GAS7: variants seen among roughly 807,000 people sequenced by gnomAD.
The protein encoded by GAS7 is growth arrest specific 7.
Under a neutral mutation model 71.1 loss-of-function variants are expected in GAS7, and 28 were observed. The observed-to-expected ratio is 0.39, with a 90% CI of 0.29 to 0.54. The LOEUF (loss-of-function observed/expected upper bound fraction) is 0.54, where lower values mean the gene tolerates loss of function less well. GAS7 is among the 20% of genes least tolerant of loss of function. The pLI is 0.62. For synonymous variants in GAS7, 258 were observed against 245.8 expected, an observed-to-expected ratio of 1.05 and a Z score of -0.46; for missense variants, 436 against 627.8, an observed-to-expected ratio of 0.69 and a Z score of 3.27.
chr17:10,096,875 T>C (rs1468525064), intron 1 of GAS7, among the ~76,000 whole-genome samples: 2 of 152,246 alleles, frequency 1.3e-5, no homozygotes, highest in African/African-American at 2.4e-5. Context: ...GCTTAAGCCA[T>C]ACTGGGCTGG....
At chr17:9,994,907 G>A (rs568524932) in intron 2 of GAS7, among the ~76,000 whole-genome samples, 1 of 152,356 alleles carries the variant, frequency 6.6e-6, no homozygotes, top group South Asian at 2.1e-4. Flanking sequence ...TAGAGGGCAG[G>A]AAAGACAAGT....
intron 1 of GAS7, among the ~76,000 whole-genome samples, chr17:10,051,321 C>T (rs1250376639): frequency 2.0e-5 from 3 of 152,196 alleles, no homozygotes; most frequent in Non-Finnish European, 2.9e-5. Flanking sequence ...CCCAACAGCA[C>T]GGCTAAACTC....
intron 11 of GAS7, among the ~76,000 whole-genome samples, chr17:9,923,949 T>A (rs1038395921): frequency 6.6e-6 from 1 of 152,158 alleles, no homozygotes; most frequent in African/African-American, 2.4e-5. Flanking sequence ...ATTAAAAAGT[T>A]TGATATGCAT....
At chr17:9,934,655 T>C (rs1359945732) in intron 8 of GAS7, among the ~76,000 whole-genome samples, 1 of 152,182 alleles carries the variant, frequency 6.6e-6, no homozygotes, top group African/African-American at 2.4e-5. Flanking sequence ...CCTCCCTGGT[T>C]TGCTGATGAG....
At chr17:9,932,371 T>C (rs1323152232) in intron 9 of GAS7, among the ~76,000 whole-genome samples, 2 of 151,996 alleles carry the variant, frequency 1.3e-5, no homozygotes, top group East Asian at 3.9e-4. Flanking sequence ...ATTTTTGTAT[T>C]TTTAGTAGAG....
intron 1 of GAS7, among the ~76,000 whole-genome samples, chr17:10,101,562 C>T (rs1228162991): frequency 3.9e-5 from 6 of 152,296 alleles, no homozygotes; most frequent in South Asian, 2.1e-4. Context: ...CTAGAACAGG[C>T]GGTACCTACA....
At position 10,158,341 on chromosome 17, in the gene GAS7, A is replaced by AC. The variant is rs1194023280; in HGVS notation, c.183+39866_183+39867insG. 9.2e-3 allele frequency among the ~76,000 whole-genome samples: 965 copies of AC among 104,828 alleles called. 6 individuals are homozygous for AC. Among genetic ancestry groups the AC allele is most frequent in the African/African-American group, 0.016 (470 of 28,798 alleles). 68.8% of individuals were successfully genotyped at this position (104,828 alleles called of 152,430 possible). A position where few individuals can be genotyped will look rare whatever the true frequency, so the allele number is the denominator to read the frequency against. On this transcript the variant is annotated intron_variant, in intron 1 of 13. Coordinates refer to ENST00000432992, the MANE Select transcript of GAS7 (RefSeq NM_201433.2). ...CCTGTTTTTTCTTTTTTTGGTAAAA[A>AC]AAAAAAAAAAAAAAAAAAACAAGGC... is the stretch of plus-strand genomic sequence containing the variant.
At chr17:10,035,954 A>G (rs1241756670) in intron 1 of GAS7, among the ~76,000 whole-genome samples, 1 of 152,186 alleles carries the variant, frequency 6.6e-6, no homozygotes, top group Non-Finnish European at 1.5e-5. Flanking sequence ...TTGCCTTACA[A>G]TGCCCCAGCT....
Position 9,910,756 on chromosome 17 carries a change from G to C in GAS7, c.*6472C>G, listed in dbSNP as rs1320582990. ...CAGGGGGGTGGTGCGGGGGCAGGTG[G>C]GTTACAGCCTCCACTGGGATCAGGG... On this transcript the variant is annotated 3_prime_UTR_variant, in exon 14 of 14. Coordinates refer to ENST00000432992, the MANE Select transcript of GAS7 (RefSeq NM_201433.2). 1 of 222,580 alleles carries C rather than the reference G, an allele frequency of 4.5e-6. No individual in the cohort carries two copies. The highest frequency in any genetic ancestry group is 9.0e-6 in the Non-Finnish European group (1 of 111,342). The allele number at this position is 222,580 out of a possible 1,614,324, so 13.8% of individuals were successfully genotyped here.
chr17:10,043,872 G>A (rs1442316298), intron 1 of GAS7, among the ~76,000 whole-genome samples: 4 of 152,238 alleles, frequency 2.6e-5, no homozygotes, highest in African/African-American at 7.2e-5. Context: ...AGTTGAGGCT[G>A]TAGTGAGCCA....
chr17:10,079,136 C>A (rs558892895), intron 1 of GAS7, among the ~76,000 whole-genome samples: 2 of 152,292 alleles, frequency 1.3e-5, no homozygotes, highest in African/African-American at 4.8e-5. Context: ...AAACCCTTCT[C>A]TCTAAAATAA....
At chr17:9,945,704 C>T (rs1248579351) in intron 6 of GAS7, among the ~76,000 whole-genome samples, 2 of 151,822 alleles carry the variant, frequency 1.3e-5, no homozygotes, top group South Asian at 2.1e-4. Flanking sequence ...GGCACGATGG[C>T]TCATGCCTGT....
At position 9,917,184 on chromosome 17, in the gene GAS7, A is replaced by G. The variant is rs2067609022; in HGVS notation, c.*44T>C. The G allele has an allele frequency of 3.5e-6, 3 of 868,286 alleles. No homozygotes were observed. The highest frequency in any genetic ancestry group is 6.0e-6 in the Non-Finnish European group (3 of 501,172). 53.8% of individuals were successfully genotyped at this position (868,286 alleles called of 1,614,324 possible). Reference sequence around the variant, plus strand: ...GGCATGGGCCCCATGGTGGGAGCCCAGCCCCCCTCCCCAGCAGGACCCCCC... The same window carrying G: ...GGCATGGGCCCCATGGTGGGAGCCCGGCCCCCCTCCCCAGCAGGACCCCCC... On this transcript the variant is annotated 3_prime_UTR_variant, in exon 14 of 14. Transcript: ENST00000432992.
At chr17:10,067,193 C>G (rs576090320) in intron 1 of GAS7, among the ~76,000 whole-genome samples, 6 of 152,186 alleles carry the variant, frequency 3.9e-5, no homozygotes, top group African/African-American at 1.4e-4. Context: ...AGCAGAGGCT[C>G]CTCTGCCTTC....
intron 2 of GAS7, among the ~76,000 whole-genome samples, chr17:10,013,580 C>T (rs2071868006): frequency 6.6e-6 from 1 of 152,188 alleles, no homozygotes; most frequent in African/African-American, 2.4e-5. Context: ...TCCCAAAGTC[C>T]ACGGAGCATG....
intron 2 of GAS7, among the ~76,000 whole-genome samples, chr17:10,006,316 CTTTTTTTTTTTTTTTT>C (rs1168698479): frequency 9.1e-5 from 6 of 65,610 alleles, no homozygotes; most frequent in South Asian, 6.3e-4. Context: ...GCCCCAGATT[CTTTTTTTTTTTTTTTT>C]TTTTTTTTTT....
At chr17:10,147,306 G>C (rs2074129200) in intron 1 of GAS7, among the ~76,000 whole-genome samples, 4 of 152,190 alleles carry the variant, frequency 2.6e-5, no homozygotes, top group Admixed American at 2.0e-4. Flanking sequence ...TCCAGGCAAA[G>C]CCAGCAGTGG....
At chr17:10,087,361 T>C (rs1359538074) in intron 1 of GAS7, among the ~76,000 whole-genome samples, 3 of 152,214 alleles carry the variant, frequency 2.0e-5, no homozygotes, top group Non-Finnish European at 4.4e-5. Flanking sequence ...GCTCTTATCA[T>C]CAAAGGCCTT....
chr17:9,945,363 A>G (rs987681989), intron 6 of GAS7, among the ~76,000 whole-genome samples: 4 of 151,718 alleles, frequency 2.6e-5, no homozygotes, highest in Non-Finnish European at 4.4e-5. Flanking sequence ...TTCCACAAGC[A>G]GAATAAAACT....
Sources: gnomAD v4.1 joint callset for allele counts (sites outside exome capture counted in the v4.1 genomes callset) on GRCh38, gnomAD v4.1.1 for gene constraint, MANE v1.5 for transcripts, NCBI Gene and HGNC (gene_info 2026-07-23, HGNC 2026-07-21) for gene names.